Variants in ITGB6 observed in about 807,000 individuals in gnomAD.
The protein encoded by ITGB6 is integrin beta-6.
A neutral mutation model predicts 84.5 loss-of-function variants in ITGB6; 80 were observed. The ratio of observed to expected loss-of-function variants is 0.95; its 90% CI spans 0.79 to 1.14. The LOEUF (loss-of-function observed/expected upper bound fraction) is 1.14, where lower values mean the gene tolerates loss of function less well. Among genes scored for constraint, ITGB6 ranks in the 50% most tolerant of loss-of-function variants. ITGB6 has a pLI of 0.00. For synonymous variants in ITGB6, 383 were observed against 354.9 expected, an observed-to-expected ratio of 1.08 and a Z score of -0.89; for missense variants, 1,006 against 968.0, an observed-to-expected ratio of 1.04 and a Z score of -0.52.
chr2:160,136,045 C>T (rs1405557218), intron 10 of ITGB6, among the ~76,000 whole-genome samples: 8 of 152,182 alleles, frequency 5.3e-5, no homozygotes, highest in East Asian at 3.9e-4. Flanking sequence ...AAAGCCAAAA[C>T]TGACAAATGG....
At chr2:160,114,515 A>G (rs1682672574) in intron 12 of ITGB6, among the ~76,000 whole-genome samples, 1 of 152,090 alleles carries the variant, frequency 6.6e-6, no homozygotes, top group Non-Finnish European at 1.5e-5. Context: ...AATACAAAGC[A>G]GGGGGGTGGA....
chr2:160,104,154 G>A (rs1214263594), intron 14 of ITGB6, among the ~76,000 whole-genome samples: 1 of 152,170 alleles, frequency 6.6e-6, no homozygotes, highest in Non-Finnish European at 1.5e-5. Context: ...TATAGGGAGT[G>A]ATGGGTAAAG....
At chr2:160,196,462 A>G (rs1197841598) in intron 2 of ITGB6, 42 bp from the exon 3 acceptor site, 1 of 1,510,490 alleles carries the variant, frequency 6.6e-7, no homozygotes, top group Admixed American at 1.9e-5. Context: ...AAAAGAAAAC[A>G]AATCTGAATT....
intron 5 of ITGB6, among the ~76,000 whole-genome samples, chr2:160,173,750 C>T (rs1051800146): frequency 5.3e-5 from 8 of 152,082 alleles, no homozygotes; most frequent in Non-Finnish European, 1.0e-4. Flanking sequence ...TTTCCCAACA[C>T]GACAATTTTC....
chr2:160,134,042 A>C lies in ITGB6; in HGVS notation c.1660+3392T>G, dbSNP rs191524842. Among the ~76,000 whole-genome samples the C allele has an allele frequency of 3.4e-3, 517 of 152,354 alleles. 2 individuals carry two copies. The highest frequency in any genetic ancestry group is 5.8e-3 in the Non-Finnish European group (394 of 68,034). On this transcript the variant is annotated intron_variant, in intron 10 of 14. Coordinates refer to ENST00000283249, the MANE Select transcript of ITGB6 (RefSeq NM_000888.5). ...CACTCAAAACTAGCAGAAGGCAAGA[A>C]ATAACTAAGATCAGAGCAGAACTGA... is the stretch of plus-strand genomic sequence containing the variant.
intron 7 of ITGB6, among the ~76,000 whole-genome samples, chr2:160,163,657 T>G (rs1684902004): frequency 6.6e-6 from 1 of 152,006 alleles, no homozygotes; most frequent in African/African-American, 2.4e-5. Context: ...GGTGATTATT[T>G]TAAAATCTGT....
chr2:160,198,852 C>T (rs943019681), intron 2 of ITGB6, among the ~76,000 whole-genome samples: 1 of 152,162 alleles, frequency 6.6e-6, no homozygotes, highest in Non-Finnish European at 1.5e-5. Flanking sequence ...TCTCCATGAA[C>T]TCTGATTATC....
chr2:160,120,668 TAA>T (rs200095827), intron 12 of ITGB6, among the ~76,000 whole-genome samples: 3,776 of 16,086 alleles, frequency 0.23, 979 homozygotes, highest in African/African-American at 0.61. Context: ...AGAGTATAAT[TAA>T]AAAAAAAAAA....
chr2:160,121,016 A>T (rs1179507124), intron 12 of ITGB6, among the ~76,000 whole-genome samples: 2 of 151,778 alleles, frequency 1.3e-5, no homozygotes, highest in Non-Finnish European at 2.9e-5. Flanking sequence ...CATATGTAAC[A>T]AACCTGCACA....
intron 12 of ITGB6, among the ~76,000 whole-genome samples, chr2:160,116,362 A>G (rs1347576523): frequency 2.0e-5 from 3 of 150,182 alleles, no homozygotes; most frequent in Admixed American, 1.3e-4. Flanking sequence ...AATATTGAAC[A>G]TTCTTAAAGA....
At chr2:160,106,897 A>T (rs1034161855) in intron 14 of ITGB6, among the ~76,000 whole-genome samples, 1 of 152,228 alleles carries the variant, frequency 6.6e-6, no homozygotes, top group Non-Finnish European at 1.5e-5. Flanking sequence ...TTGTTGTTAG[A>T]ATCAGCAATG....
intron 14 of ITGB6, 143 bp from the exon 15 acceptor site, chr2:160,101,977 T>C (rs1379874018): frequency 1.7e-6 from 1 of 604,464 alleles, no homozygotes; most frequent in Non-Finnish European, 2.9e-6. Context: ...GCATTTCATA[T>C]GTTTAGTGTT....
chr2:160,121,285 T>C (rs1683027237), intron 12 of ITGB6, among the ~76,000 whole-genome samples: 1 of 152,180 alleles, frequency 6.6e-6, no homozygotes, highest in Non-Finnish European at 1.5e-5. Context: ...CCCTTGCCAT[T>C]CCTGATGATT....
At chr2:160,115,254 G>T (rs1682714804) in intron 12 of ITGB6, among the ~76,000 whole-genome samples, 2 of 152,230 alleles carry the variant, frequency 1.3e-5, no homozygotes, top group Admixed American at 6.5e-5. Context: ...CCTAGTAGGG[G>T]CAGACTGACA....
At chr2:160,182,405 T>C (rs1238355937) in intron 4 of ITGB6, among the ~76,000 whole-genome samples, 1 of 152,042 alleles carries the variant, frequency 6.6e-6, no homozygotes, top group Admixed American at 6.6e-5. Flanking sequence ...AGATTGAAGA[T>C]CAACTTAATG....
chr2:160,107,734 T>A lies in ITGB6; in HGVS notation c.2213A>T (p.Asp738Val). ...TTCAAATTTGGCAACTTCTTTACGA[T>A]CATGAAATGACACCAGTAGCTTCCA... ...CIWKLLVSFH[D>V]RKEVAKFEAE... Residue 738 changes from aspartate to valine, a missense_variant, in exon 14 of 15, where the codon GAT becomes GTT. Coordinates refer to ENST00000283249, the MANE Select transcript of ITGB6 (RefSeq NM_000888.5). 6.2e-7 allele frequency: 1 copy of A among 1,614,022 alleles called. No individual in the cohort carries two copies. The highest frequency in any genetic ancestry group is 8.5e-7 in the Non-Finnish European group (1 of 1,179,942).
intron 10 of ITGB6, among the ~76,000 whole-genome samples, chr2:160,130,980 T>C (rs1683446790): frequency 6.6e-6 from 1 of 152,136 alleles, no homozygotes; most frequent in Non-Finnish European, 1.5e-5. Context: ...AGCCCTCCTC[T>C]CTCCTGGCCT....
intron 6 of ITGB6, 45 bp downstream of exon 6, chr2:160,172,524 T>G: frequency 2.0e-6 from 3 of 1,518,744 alleles, no homozygotes; most frequent in Non-Finnish European, 2.7e-6. Context: ...TGCTTCGTTC[T>G]CCTACTTATA....
intron 4 of ITGB6, among the ~76,000 whole-genome samples, chr2:160,189,011 A>G (rs1046367223): frequency 6.6e-6 from 1 of 152,146 alleles, no homozygotes; most frequent in Non-Finnish European, 1.5e-5. Context: ...AGAGATATAG[A>G]CCAATGGAAC....
Sources: allele counts gnomAD v4.1 joint callset (sites outside exome capture counted in the v4.1 genomes callset), GRCh38; gene constraint gnomAD v4.1.1; transcripts MANE v1.5; gene names NCBI Gene and HGNC (gene_info 2026-07-23, HGNC 2026-07-21).